Variants in GUCY1A2 observed in about 807,000 individuals in gnomAD.
GUCY1A2 encodes the protein guanylate cyclase 1 soluble subunit alpha 2, also known as guanylate cyclase soluble subunit alpha-2.
Under a neutral mutation model 63.5 loss-of-function variants are expected in GUCY1A2, and 27 were observed. That is an observed-to-expected ratio of 0.43 (90% CI 0.31 to 0.59). The LOEUF (loss-of-function observed/expected upper bound fraction) is 0.59, where lower values mean the gene tolerates loss of function less well. GUCY1A2 is among the 20% of genes least tolerant of loss of function. The pLI, the probability that GUCY1A2 is intolerant of heterozygous loss-of-function variation, is 0.11. For missense variants in GUCY1A2, 768 were observed against 913.3 expected (o/e 0.84, Z 2.05); for synonymous variants, 364 against 343.5 (o/e 1.06, Z -0.66).
intron 5 of GUCY1A2, among the ~76,000 whole-genome samples, chr11:106,801,840 T>C (rs990800473): frequency 2.0e-5 from 3 of 152,114 alleles, no homozygotes; most frequent in Non-Finnish European, 4.4e-5. Context: ...CATAAATACA[T>C]ACTCCTACTA....
intron 6 of GUCY1A2, among the ~76,000 whole-genome samples, chr11:106,712,101 T>C (rs1863130714): frequency 6.6e-6 from 1 of 152,086 alleles, no homozygotes; most frequent in African/African-American, 2.4e-5. Flanking sequence ...TCTATTTCTT[T>C]GAATATTTTT....
At position 106,674,324 on chromosome 11, in the gene GUCY1A2, A is replaced by G. The variant is rs1188075081; in HGVS notation, c.*13225T>C. On this transcript the variant is annotated 3_prime_UTR_variant, in exon 8 of 8. Transcript: ENST00000526355. The stretch of plus-strand genomic sequence containing the variant: ...AAGAATGAGTAAAAAGTGGTGTTAC[A>G]TGAAAATCAAAGAAGATATTGTGGA... The G allele has an allele frequency of 1.1e-5, 2 of 180,366 alleles. No individual in the cohort carries two copies. Among genetic ancestry groups the G allele is most frequent in the Non-Finnish European group, 1.2e-5 (1 of 84,374 alleles). 11.2% of individuals were successfully genotyped at this position (180,366 alleles called of 1,614,324 possible).
At chr11:107,007,184 C>T (rs1861682532) in intron 1 of GUCY1A2, among the ~76,000 whole-genome samples, 1 of 152,096 alleles carries the variant, frequency 6.6e-6, no homozygotes, top group Non-Finnish European at 1.5e-5. Flanking sequence ...TTAGTCCTAA[C>T]TTTGAAAGCA....
chr11:106,774,089 C>A (rs112122815), intron 6 of GUCY1A2, among the ~76,000 whole-genome samples: 1,952 of 152,224 alleles, frequency 0.013, 26 homozygotes, highest in South Asian at 0.05. Flanking sequence ...GTCCCCCAAG[C>A]ATTTATTGAA....
At chr11:106,846,017 A>C (rs112137390) in intron 4 of GUCY1A2, among the ~76,000 whole-genome samples, 82 of 151,764 alleles carry the variant, frequency 5.4e-4, no homozygotes, top group South Asian at 1.2e-3. Context: ...CATTTAACCT[A>C]ATCTAATCAT....
chr11:106,802,805 C>T (rs1277915919), intron 5 of GUCY1A2, among the ~76,000 whole-genome samples: 1 of 148,220 alleles, frequency 6.7e-6, no homozygotes, highest in East Asian at 1.9e-4. Flanking sequence ...TCATTGAAGT[C>T]CCCACCTTCA....
Position 107,018,238 on chromosome 11 carries a change from G to T in GUCY1A2, c.-183C>A. 5.8e-6 allele frequency: 1 copy of T among 172,656 alleles called. No homozygotes were observed. Among genetic ancestry groups the T allele is most frequent in the Non-Finnish European group, 1.2e-5 (1 of 84,658 alleles). 10.7% of individuals were successfully genotyped at this position (172,656 alleles called of 1,614,324 possible). A position where few individuals can be genotyped will look rare whatever the true frequency, so the allele number is the denominator to read the frequency against. ...GAGCCCCCCGAGCCGGCTGCTCATGGCGGGAACTTGGGGCGCCGCCGCACC... is the reference window on the plus strand; with the variant it reads ...GAGCCCCCCGAGCCGGCTGCTCATGTCGGGAACTTGGGGCGCCGCCGCACC... On this transcript the variant is annotated 5_prime_UTR_variant, in exon 1 of 8. Coordinates refer to ENST00000526355, the MANE Select transcript of GUCY1A2 (RefSeq NM_000855.3).
intron 4 of GUCY1A2, chr11:106,824,817 C>A (rs1451971359): frequency 1.3e-5 from 21 of 1,592,102 alleles, no homozygotes; most frequent in Non-Finnish European, 1.8e-5. Flanking sequence ...TGAATCGTCT[C>A]AAACTTGTCA....
chr11:107,017,683 GC>G, intron 1 of GUCY1A2, 69 bp downstream of exon 1: 1 of 985,402 alleles, frequency 1.0e-6, no homozygotes, highest in Non-Finnish European at 1.4e-6. Flanking sequence ...GCCCCGGCTC[GC>G]CCAGCGCCAA....
At chr11:106,846,564 T>C (rs1411575562) in intron 4 of GUCY1A2, among the ~76,000 whole-genome samples, 4 of 151,630 alleles carry the variant, frequency 2.6e-5, no homozygotes, top group Non-Finnish European at 5.9e-5. Context: ...TGTACTATTG[T>C]AGGGAGTCTA....
rs144997126 is a variant in GUCY1A2, at chr11:106,920,982, C to A, written c.1206+18478G>T. ...TCATTCAGAATCCTATGATGAACCT[C>A]ATTTTGATTTTTCTTTTTATATTTT... On this transcript the variant is annotated intron_variant, in intron 4 of 7. Transcript: ENST00000526355. 5.8e-3 allele frequency among the ~76,000 whole-genome samples: 886 copies of A among 152,096 alleles called. 5 individuals carry two copies. The highest frequency in any genetic ancestry group is 0.021 in the African/African-American group (854 of 41,528).
At chr11:106,964,078 T>C (rs7934709) in intron 3 of GUCY1A2, among the ~76,000 whole-genome samples, 127,911 of 151,710 alleles carry the variant, frequency 0.84, 54,232 homozygotes, top group Non-Finnish European at 0.89. Context: ...CACCCACACA[T>C]CATTTGAGAG....
chr11:106,748,832 C>T (rs1863835313), intron 6 of GUCY1A2, among the ~76,000 whole-genome samples: 1 of 150,858 alleles, frequency 6.6e-6, no homozygotes, highest in African/African-American at 2.4e-5. Flanking sequence ...TTATGAAGAG[C>T]AGTGTTTAAT....
chr11:106,845,288 A>T (rs1364315119), intron 4 of GUCY1A2, among the ~76,000 whole-genome samples: 1 of 151,672 alleles, frequency 6.6e-6, no homozygotes, highest in Non-Finnish European at 1.5e-5. Flanking sequence ...CGATTAAAAA[A>T]AAAAAATGCT....
In GUCY1A2 at chr11:107,018,440, G is replaced by A. The variant is rs1056921929; in HGVS notation, c.-385C>T. ...CGGTCGGCGGGGCGGGGAGGGCTGC[G>A]GCCCAAGCAGAAGGGGAGGCAGAGG... On this transcript the variant is annotated 5_prime_UTR_variant, in exon 1 of 8. Coordinates refer to ENST00000526355, the MANE Select transcript of GUCY1A2 (RefSeq NM_000855.3). 6.6e-6 allele frequency: 1 copy of A among 150,536 alleles called. No individual in the cohort carries two copies. The highest frequency in any genetic ancestry group is 2.0e-4 in the East Asian group (1 of 5,044). The allele number at this position is 150,536 out of a possible 1,614,324, so 9.3% of individuals were successfully genotyped here.
At chr11:106,769,416 G>A (rs1258495461) in intron 6 of GUCY1A2, among the ~76,000 whole-genome samples, 1 of 150,234 alleles carries the variant, frequency 6.7e-6, no homozygotes, top group East Asian at 1.9e-4. Flanking sequence ...ACTGAGGGAA[G>A]TATTGGCAAG....
intron 6 of GUCY1A2, among the ~76,000 whole-genome samples, chr11:106,770,260 ATGTAACG>A (rs1215761180): frequency 6.6e-6 from 1 of 152,112 alleles, no homozygotes; most frequent in Non-Finnish European, 1.5e-5. Context: ...TACTTATAAT[ATGTAACG>A]TGTTGTAAAT....
At chr11:106,830,408 T>C (rs1859034360) in intron 4 of GUCY1A2, among the ~76,000 whole-genome samples, 1 of 152,204 alleles carries the variant, frequency 6.6e-6, no homozygotes, top group South Asian at 2.1e-4. Flanking sequence ...ATGCAAAGTA[T>C]TGTTCCTGGG....
intron 1 of GUCY1A2, among the ~76,000 whole-genome samples, chr11:107,005,850 A>C (rs1326073934): frequency 6.6e-6 from 1 of 152,318 alleles, no homozygotes; most frequent in East Asian, 1.9e-4. Context: ...AAAATGTTGG[A>C]AATATTTCCC....
Sources: allele counts gnomAD v4.1 joint callset (sites outside exome capture counted in the v4.1 genomes callset), GRCh38; gene constraint gnomAD v4.1.1; transcripts MANE v1.5; gene names NCBI Gene and HGNC (gene_info 2026-07-23, HGNC 2026-07-21).